SLC26A7: variants seen among roughly 807,000 people sequenced by gnomAD.
SLC26A7 encodes the protein anion exchange transporter.
In SLC26A7, 59 loss-of-function variants were observed where a neutral mutation model predicts 82.5. The ratio of observed to expected loss-of-function variants is 0.72; its 90% confidence interval spans 0.58 to 0.89. SLC26A7 has a LOEUF of 0.89. Among genes scored for constraint, SLC26A7 ranks in the 40% least tolerant of loss-of-function variants. The probability of loss-of-function intolerance (pLI) is 0.00; values close to 1 mark genes in which losing one functional copy is unlikely to be tolerated. For missense variants in SLC26A7, 820 were observed against 793.0 expected (o/e 1.03, Z -0.41); for synonymous variants, 271 against 274.3 (o/e 0.99, Z 0.12).
intron 2 of SLC26A7, among the ~76,000 whole-genome samples, chr8:91,238,554 C>CATAT (rs949796044): frequency 6.7e-6 from 1 of 148,306 alleles, no homozygotes; most frequent in South Asian, 2.1e-4. Flanking sequence ...TTTATATATA[C>CATAT]ATATATATAT....
chr8:91,290,840 A>G (rs954657250), intron 3 of SLC26A7, among the ~76,000 whole-genome samples: 1 of 152,164 alleles, frequency 6.6e-6, no homozygotes, highest in Admixed American at 6.5e-5. Flanking sequence ...TTTTAAATCA[A>G]TTAATTTTGT....
chr8:91,299,894 G>A (rs577275384), intron 4 of SLC26A7, among the ~76,000 whole-genome samples: 1 of 152,266 alleles, frequency 6.6e-6, no homozygotes, highest in African/African-American at 2.4e-5. Context: ...AAGTGCGTAA[G>A]TTAAAATTAA....
intron 15 of SLC26A7, among the ~76,000 whole-genome samples, chr8:91,375,070 A>T (rs558804546): frequency 6.7e-4 from 101 of 151,130 alleles, no homozygotes; most frequent in Non-Finnish European, 5.2e-4. Flanking sequence ...CTGTTCTTTT[A>T]TGTTTTTCAT....
chr8:91,211,227 A>G (rs1809910343), intron 1 of SLC26A7, among the ~76,000 whole-genome samples: 1 of 152,102 alleles, frequency 6.6e-6, no homozygotes, highest in Non-Finnish European at 1.5e-5. Flanking sequence ...TTGCTTTATA[A>G]AAACCATGGA....
chr8:91,337,046 T>A (rs1248340663), intron 6 of SLC26A7, among the ~76,000 whole-genome samples: 1 of 152,158 alleles, frequency 6.6e-6, no homozygotes, highest in Non-Finnish European at 1.5e-5. Context: ...AATGCTACTA[T>A]CGTATTACAA....
intron 2 of SLC26A7, among the ~76,000 whole-genome samples, chr8:91,235,818 A>G (rs1810386337): frequency 6.6e-6 from 1 of 152,146 alleles, no homozygotes; most frequent in Non-Finnish European, 1.5e-5. Context: ...TCTTTTGACC[A>G]TTAGGCCATG....
intron 2 of SLC26A7, among the ~76,000 whole-genome samples, chr8:91,280,621 T>C (rs1158890576): frequency 6.6e-6 from 1 of 152,234 alleles, no homozygotes; most frequent in Non-Finnish European, 1.5e-5. Flanking sequence ...AGGAGTGCCA[T>C]TTCAGTGGAA....
intron 11 of SLC26A7, among the ~76,000 whole-genome samples, chr8:91,361,545 T>A (rs1266598686): frequency 1.3e-5 from 2 of 152,170 alleles, no homozygotes; most frequent in African/African-American, 4.8e-5. Context: ...GTTTGATAAA[T>A]GCAGGATTTA....
chr8:91,308,861 C>A (rs1812398316), intron 4 of SLC26A7, among the ~76,000 whole-genome samples: 2 of 151,976 alleles, frequency 1.3e-5, no homozygotes, highest in South Asian at 4.2e-4. Context: ...GTCTTTGACA[C>A]CCTTATTTGT....
At chr8:91,277,121 A>G (rs1267857563) in intron 2 of SLC26A7, among the ~76,000 whole-genome samples, 1 of 151,972 alleles carries the variant, frequency 6.6e-6, no homozygotes, top group East Asian at 1.9e-4. Context: ...TGATTTCTTC[A>G]TTGCCAGCCT....
At chr8:91,355,663 G>GT (rs888524551) in intron 11 of SLC26A7, among the ~76,000 whole-genome samples, 32 of 150,120 alleles carry the variant, frequency 2.1e-4, no homozygotes, top group Admixed American at 4.0e-4. Context: ...TATATTTAAG[G>GT]TTTTTTTTCC....
chr8:91,349,217 A>G (rs1394753703), intron 9 of SLC26A7, among the ~76,000 whole-genome samples: 1 of 151,252 alleles, frequency 6.6e-6, no homozygotes, highest in Non-Finnish European at 1.5e-5. Context: ...TGATAAGGCA[A>G]GTGCGTCAAG....
At chr8:91,388,306 G>A (rs866605769) in intron 15 of SLC26A7, among the ~76,000 whole-genome samples, 2 of 150,494 alleles carry the variant, frequency 1.3e-5, no homozygotes, top group African/African-American at 2.5e-5. Context: ...GAGTGCAGTG[G>A]CGGGATCTCG....
At position 91,355,333 on chromosome 8, in the gene SLC26A7, A is replaced by T. The variant is rs1813832895; in HGVS notation, c.1314+2337A>T. Among the ~76,000 whole-genome samples the T allele has an allele frequency of 5.9e-5, 9 of 151,826 alleles. No individual in the cohort carries two copies. In the South Asian group the frequency reaches 1.2e-3, roughly 21 times the overall value. On this transcript the variant is annotated intron_variant, in intron 11 of 18. Coordinates refer to ENST00000276609, the MANE Select transcript of SLC26A7 (RefSeq NM_052832.4). ...TCGCATAATCAGGAATTATTTACAA[A>T]TTTTTTCTTCTAATATATCTTTGAA...
At chr8:91,321,271 G>T (rs1430055824) in intron 5 of SLC26A7, among the ~76,000 whole-genome samples, 2 of 152,224 alleles carry the variant, frequency 1.3e-5, no homozygotes, top group African/African-American at 2.4e-5. Flanking sequence ...ACATGTAGGG[G>T]TTTGTGCTCA....
intron 4 of SLC26A7, among the ~76,000 whole-genome samples, chr8:91,315,275 C>G (rs1812596659): frequency 6.6e-6 from 1 of 152,156 alleles, no homozygotes; most frequent in South Asian, 2.1e-4. Context: ...GAAAATTCAA[C>G]TCTGGTTTTC....
chr8:91,278,123 T>C (rs1381583786), intron 2 of SLC26A7, among the ~76,000 whole-genome samples: 1 of 152,120 alleles, frequency 6.6e-6, no homozygotes, highest in African/African-American at 2.4e-5. Flanking sequence ...GCTCACTCTC[T>C]TATTGGTCAA....
At chr8:91,372,994 T>C (rs1226137390) in intron 15 of SLC26A7, among the ~76,000 whole-genome samples, 1 of 151,858 alleles carries the variant, frequency 6.6e-6, no homozygotes, top group African/African-American at 2.4e-5. Flanking sequence ...CAGTTGTAAA[T>C]AGGATTGAGT....
At chr8:91,356,431 T>G (rs1248810985) in intron 11 of SLC26A7, among the ~76,000 whole-genome samples, 4 of 152,008 alleles carry the variant, frequency 2.6e-5, no homozygotes, top group South Asian at 2.1e-4. Context: ...CTAACTGGTG[T>G]GAGATGGTAT....
Sources: allele counts gnomAD v4.1 joint callset (sites outside exome capture counted in the v4.1 genomes callset), GRCh38; gene constraint gnomAD v4.1.1; transcripts MANE v1.5; gene names NCBI Gene and HGNC (gene_info 2026-07-23, HGNC 2026-07-21).